The following SEMA3C variants were observed in gnomAD, a reference collection of about 807,000 sequenced individuals.
SEMA3C encodes semaphorin 3C, also known as semaphorin-3C.
SEMA3C carries 47 observed loss-of-function variants against 89.4 expected under a neutral mutation model. The ratio of observed to expected loss-of-function variants is 0.53; its 90% CI spans 0.42 to 0.67. SEMA3C has a LOEUF of 0.67. SEMA3C is among the 30% of genes least tolerant of loss of function. The pLI, the probability that SEMA3C is intolerant of heterozygous loss-of-function variation, is 0.00. For synonymous variants in SEMA3C, 310 were observed against 320.2 expected, an observed-to-expected ratio of 0.97 and a Z score of 0.34; for missense variants, 839 against 929.1, an observed-to-expected ratio of 0.90 and a Z score of 1.26.
chr7:80,754,964 T>TTTTGTTTTTTTTGTTTTTTG (rs765917535), intron 15 of SEMA3C, among the ~76,000 whole-genome samples: 57,097 of 129,098 alleles, frequency 0.44, 13,868 homozygotes, highest in Middle Eastern at 0.51. Context: ...TTTGTTTTTT[T>TTTTGTTTTTTTTGTTTTTTG]TTTTTTTGTA....
chr7:80,804,472 C>A (rs1789289936), intron 7 of SEMA3C, among the ~76,000 whole-genome samples: 1 of 152,004 alleles, frequency 6.6e-6, no homozygotes, highest in Non-Finnish European at 1.5e-5. Context: ...ATTTGTGCAC[C>A]AATGAGTTTC....
chr7:80,817,226 G>C (rs187519813), intron 5 of SEMA3C, among the ~76,000 whole-genome samples: 1 of 151,918 alleles, frequency 6.6e-6, no homozygotes. Flanking sequence ...TTCATTAAAA[G>C]ATACTTATGT....
Position 80,750,473 on chromosome 7 carries a change from T to TATATATACACACAC in SEMA3C, c.1711+795_1711+796insGTGTGTGTATATAT, listed in dbSNP as rs869227686. Among the ~76,000 whole-genome samples, 126 of 55,368 alleles carry TATATATACACACAC rather than the reference T, an allele frequency of 2.3e-3. 1 individual carries two copies. Among genetic ancestry groups the TATATATACACACAC allele is most frequent in the Non-Finnish European group, 3.0e-3 (84 of 28,356 alleles). The allele number at this position is 55,368 out of a possible 152,430, so 36.3% of individuals were successfully genotyped here. ...ATATATATATATATATATATATATA[T>TATATATACACACAC]ACACACACACACACACACACACACA... On this transcript the variant is annotated intron_variant, in intron 16 of 17. Transcript: ENST00000265361.
At chr7:80,887,864 T>C (rs1241418798) in intron 2 of SEMA3C, among the ~76,000 whole-genome samples, 3 of 152,208 alleles carry the variant, frequency 2.0e-5, no homozygotes, top group Admixed American at 1.3e-4. Context: ...TTGATTTTTA[T>C]ATTATCTTAG....
intron 12 of SEMA3C, among the ~76,000 whole-genome samples, chr7:80,787,537 A>G (rs1229587683): frequency 1.3e-5 from 2 of 152,152 alleles, no homozygotes; most frequent in Non-Finnish European, 2.9e-5. Flanking sequence ...AGCAATAGGT[A>G]AAGTGAGATT....
intron 2 of SEMA3C, 32 bp downstream of exon 2, chr7:80,916,647 A>G (rs780407706): frequency 1.3e-6 from 2 of 1,579,646 alleles, no homozygotes; most frequent in South Asian, 1.2e-5. Flanking sequence ...TTAAAATAAC[A>G]TTTTTCCCAG....
chr7:80,835,018 A>G (rs1790093156), intron 2 of SEMA3C, among the ~76,000 whole-genome samples: 1 of 152,152 alleles, frequency 6.6e-6, no homozygotes, highest in Admixed American at 6.6e-5. Flanking sequence ...CAGAGTGCCA[A>G]TTGTATACCT....
intron 2 of SEMA3C, among the ~76,000 whole-genome samples, chr7:80,889,775 C>T (rs1432300434): frequency 2.0e-5 from 3 of 151,898 alleles, no homozygotes; most frequent in Admixed American, 1.3e-4. Context: ...TAGCATCCTC[C>T]CAAATAATGC....
intron 12 of SEMA3C, among the ~76,000 whole-genome samples, chr7:80,784,002 C>T (rs1788746202): frequency 1.3e-5 from 2 of 152,150 alleles, no homozygotes; most frequent in Admixed American, 1.3e-4. Context: ...TAAGAATACT[C>T]TCACTCTTTC....
intron 6 of SEMA3C, among the ~76,000 whole-genome samples, chr7:80,808,923 C>T (rs575832508): frequency 9.2e-5 from 14 of 152,084 alleles, no homozygotes; most frequent in African/African-American, 2.4e-4. Context: ...TACAGGTGCA[C>T]GCCACCACGC....
chr7:80,749,087 C>T, intron 16 of SEMA3C, 59 bp from the exon 17 acceptor site: 1 of 1,507,884 alleles, frequency 6.6e-7, no homozygotes, highest in Non-Finnish European at 8.9e-7. Context: ...ATTTAGAGCA[C>T]ATTCTCCTGT....
intron 2 of SEMA3C, among the ~76,000 whole-genome samples, chr7:80,883,790 G>A (rs1320742025): frequency 1.3e-5 from 2 of 152,136 alleles, no homozygotes; most frequent in African/African-American, 4.8e-5. Context: ...CAAAAAAAAT[G>A]AGCACATCTT....
chr7:80,835,095 T>G (rs1790094713), intron 2 of SEMA3C, among the ~76,000 whole-genome samples: 1 of 152,108 alleles, frequency 6.6e-6, no homozygotes, highest in Admixed American at 6.5e-5. Flanking sequence ...TTTTATAAAA[T>G]TCAAAAATAG....
At chr7:80,774,769 G>C (rs1177555865) in intron 12 of SEMA3C, among the ~76,000 whole-genome samples, 1 of 152,020 alleles carries the variant, frequency 6.6e-6, no homozygotes, top group East Asian at 1.9e-4. Context: ...AGTTTCACAA[G>C]AAGAATAGAG....
intron 6 of SEMA3C, among the ~76,000 whole-genome samples, chr7:80,809,625 GT>G (rs1300215293): frequency 6.6e-6 from 1 of 152,134 alleles, no homozygotes; most frequent in Non-Finnish European, 1.5e-5. Context: ...TCAAACAGGT[GT>G]GAGGTGGTAT....
At chr7:80,905,730 T>C (rs1583998101) in intron 2 of SEMA3C, 1 of 610,744 alleles carries the variant, frequency 1.6e-6, no homozygotes, top group African/African-American at 1.9e-5. Flanking sequence ...AATTTTTGCT[T>C]TTAAAATGTC....
chr7:80,902,619 A>G (rs541280783), intron 2 of SEMA3C, among the ~76,000 whole-genome samples: 1 of 152,354 alleles, frequency 6.6e-6, no homozygotes, highest in South Asian at 2.1e-4. Context: ...AAGACTAACT[A>G]ACATCAATGA....
upstream of SEMA3C, chr7:80,919,250 A>G (rs28372718): frequency 0.035 from 34,436 of 985,122 alleles, 1,007 homozygotes; most frequent in Middle Eastern, 0.14. Flanking sequence ...GCGGGGGCGG[A>G]CCGGGCGGGG....
intron 2 of SEMA3C, among the ~76,000 whole-genome samples, chr7:80,901,772 G>T (rs1791886120): frequency 6.6e-6 from 1 of 152,174 alleles, no homozygotes. Context: ...TAACATGTGT[G>T]TCTCTGACTT....
Sources: gnomAD v4.1 joint callset for allele counts (sites outside exome capture counted in the v4.1 genomes callset) on GRCh38, gnomAD v4.1.1 for gene constraint, MANE v1.5 for transcripts, NCBI Gene and HGNC (gene_info 2026-07-23, HGNC 2026-07-21) for gene names.